The following IQCK variants were observed in gnomAD, a reference collection of about 807,000 sequenced individuals.
IQCK encodes the protein IQ motif containing K, also known as IQ domain-containing protein K.
IQCK carries 29 observed loss-of-function variants against 28.1 expected under a neutral mutation model. The ratio of observed to expected loss-of-function variants is 1.03; its 90% CI spans 0.77 to 1.41. The LOEUF (loss-of-function observed/expected upper bound fraction) is 1.41, where lower values mean the gene tolerates loss of function less well. Among genes scored for constraint, IQCK ranks in the 40% most tolerant of loss-of-function variants. IQCK has a pLI of 0.00. For synonymous variants in IQCK, 113 were observed against 115.1 expected (o/e 0.98, Z 0.12); for missense variants, 359 against 314.7 (o/e 1.14, Z -1.07).
exon 4 of IQCK, chr16:19,735,402 C>A: frequency 6.2e-7 from 1 of 1,614,098 alleles, no homozygotes; most frequent in Non-Finnish European, 8.5e-7. Flanking sequence ...TTCTGCTTCC[C>A]GGAATGGCTA....
chr16:19,730,976 A>T (rs1199935254), intron 2 of IQCK, among the ~76,000 whole-genome samples: 1 of 152,132 alleles, frequency 6.6e-6, no homozygotes, highest in Admixed American at 6.6e-5. Context: ...TGCCTGCCTC[A>T]GTCTCCCAAA....
Position 19,750,267 on chromosome 16 carries a change from C to G in IQCK, c.475-13581C>G, listed in dbSNP as rs570298316. 5.7e-4 allele frequency among the ~76,000 whole-genome samples: 86 copies of G among 151,424 alleles called. 1 individual carries two copies. The highest frequency in any genetic ancestry group is 5.3e-3 in the Admixed American group (81 of 15,180). ...TCAGCCTCCCAAGTAGCTAGGACTA[C>G]AGGCGTGTGCCACCGTGCCTGGCTG... On this transcript the variant is annotated intron_variant, in intron 4 of 7. Transcript: ENST00000564186.
At chr16:19,729,837 G>C (rs1597498426) in intron 1 of IQCK, among the ~76,000 whole-genome samples, 1 of 151,352 alleles carries the variant, frequency 6.6e-6, no homozygotes, top group South Asian at 2.1e-4. Flanking sequence ...GTAGAGATGG[G>C]GTTTCACTGT....
chr16:19,732,157 A>G (rs1415900109), intron 2 of IQCK, among the ~76,000 whole-genome samples: 1 of 152,192 alleles, frequency 6.6e-6, no homozygotes, highest in Non-Finnish European at 1.5e-5. Context: ...ATCTCCACTC[A>G]GTCCACCAAC....
chr16:19,753,115 A>C (rs2055009012), intron 4 of IQCK, among the ~76,000 whole-genome samples: 1 of 152,058 alleles, frequency 6.6e-6, no homozygotes, highest in Admixed American at 6.6e-5. Flanking sequence ...AACTCGGGTC[A>C]ATTGTCTGAG....
At chr16:19,764,498 A>G (rs368010610) in intron 6 of IQCK, among the ~76,000 whole-genome samples, 2 of 152,094 alleles carry the variant, frequency 1.3e-5, no homozygotes, top group South Asian at 4.1e-4. Flanking sequence ...TCAATTCTCC[A>G]TTTTTAATAT....
chr16:19,836,344 G>A (rs1048872160), intron 9 of IQCK, among the ~76,000 whole-genome samples: 4 of 152,200 alleles, frequency 2.6e-5, no homozygotes, highest in African/African-American at 9.6e-5. Flanking sequence ...GTCTGGGGAT[G>A]TTTGGATGAC....
At chr16:19,725,963 T>C (rs559011282) in intron 1 of IQCK, among the ~76,000 whole-genome samples, 106 of 151,232 alleles carry the variant, frequency 7.0e-4, no homozygotes, top group Non-Finnish European at 1.4e-3. Flanking sequence ...TCACCCAGGC[T>C]GGAGTGCAGC....
At chr16:19,720,198 C>T (rs1164138385) in intron 1 of IQCK, among the ~76,000 whole-genome samples, 2 of 152,186 alleles carry the variant, frequency 1.3e-5, no homozygotes, top group African/African-American at 4.8e-5. Flanking sequence ...ACTTAAATTC[C>T]TTCTCCAACC....
At chr16:19,724,046 A>G (rs1977578943) in intron 1 of IQCK, among the ~76,000 whole-genome samples, 1 of 151,338 alleles carries the variant, frequency 6.6e-6, no homozygotes, top group Admixed American at 6.6e-5. Flanking sequence ...TGAGTTCTGC[A>G]TTTTAAACAA....
Position 19,815,278 on chromosome 16 carries a change from C to T in IQCK, c.691-11748C>T, listed in dbSNP as rs548768016. On this transcript the variant is annotated intron_variant, in intron 7 of 7. Coordinates refer to ENST00000564186, the Ensembl canonical transcript of IQCK. ...AAAGCCCCAAGTAACTCTAAGAGGACTACTGTCCCACCGCAGTAGAATATC... is the reference window on the plus strand; with the variant it reads ...AAAGCCCCAAGTAACTCTAAGAGGATTACTGTCCCACCGCAGTAGAATATC... Among the ~76,000 whole-genome samples, 7 of 152,218 alleles carry T rather than the reference C, an allele frequency of 4.6e-5. No individual in the cohort carries two copies. The South Asian group carries it at 1.5e-3, about 32-fold the overall frequency.
At chr16:19,843,197 T>G (rs530696148) in intron 9 of IQCK, among the ~76,000 whole-genome samples, 1 of 152,326 alleles carries the variant, frequency 6.6e-6, no homozygotes, top group African/African-American at 2.4e-5. Context: ...TTTAAAAGTT[T>G]TATTGAGATA....
At chr16:19,758,375 C>G (rs1454068219) in intron 4 of IQCK, among the ~76,000 whole-genome samples, 1 of 152,190 alleles carries the variant, frequency 6.6e-6, no homozygotes, top group Non-Finnish European at 1.5e-5. Context: ...CATTTTATTT[C>G]TTTGCATCGA....
chr16:19,733,948 T>G, intron 3 of IQCK, 121 bp downstream of exon 3: 1 of 902,672 alleles, frequency 1.1e-6, no homozygotes, highest in Non-Finnish European at 1.7e-6. Context: ...AAGAATGTGT[T>G]CTTGTTTTAT....
intron 4 of IQCK, among the ~76,000 whole-genome samples, chr16:19,757,912 G>A (rs970369448): frequency 5.3e-5 from 8 of 152,084 alleles, no homozygotes; most frequent in African/African-American, 1.9e-4. Context: ...CATTCATCTC[G>A]GTTTTTTGGA....
chr16:19,758,320 G>T (rs2055082716), intron 4 of IQCK, among the ~76,000 whole-genome samples: 1 of 152,186 alleles, frequency 6.6e-6, no homozygotes, highest in Non-Finnish European at 1.5e-5. Context: ...GGTATGCACA[G>T]CACGTCCACG....
At chr16:19,736,566 TG>T (rs1978021520) in intron 4 of IQCK, among the ~76,000 whole-genome samples, 2 of 152,184 alleles carry the variant, frequency 1.3e-5, no homozygotes, top group Admixed American at 1.3e-4. Flanking sequence ...CGGGATACTT[TG>T]GGTGTATGTG....
At position 19,835,957 on chromosome 16, in the gene IQCK, T is replaced by C. The variant is rs528236121; in HGVS notation, c.802+8820T>C. Among the ~76,000 whole-genome samples the C allele has an allele frequency of 6.6e-5, 10 of 152,326 alleles. No individual in the cohort carries two copies. The East Asian group carries it at 1.9e-3, about 29-fold the overall frequency. ...GGTCAAAGGACACCCACATATTAAA[T>C]TTAGACAGTGATCACCATACTGTCA... On this transcript the variant is annotated intron_variant, in intron 9 of 9. Coordinates refer to the IQCK transcript ENST00000320394.
At chr16:19,802,720 T>C (rs1021234594) in intron 7 of IQCK, among the ~76,000 whole-genome samples, 3 of 152,122 alleles carry the variant, frequency 2.0e-5, no homozygotes, top group African/African-American at 7.2e-5. Flanking sequence ...ACTTTTGCCT[T>C]TTCCAGCATG....
Sources: allele counts gnomAD v4.1 joint callset (sites outside exome capture counted in the v4.1 genomes callset), GRCh38; gene constraint gnomAD v4.1.1; transcripts MANE v1.5; gene names NCBI Gene and HGNC (gene_info 2026-07-23, HGNC 2026-07-21).